Variants in DIAPH2 observed in about 807,000 individuals in gnomAD.
DIAPH2 encodes the protein protein diaphanous homolog 2.
A neutral mutation model predicts 92.7 loss-of-function variants in DIAPH2; 35 were observed. The observed-to-expected ratio is 0.38, with a 90% CI of 0.29 to 0.50. DIAPH2 has a LOEUF of 0.50. Ranked by LOEUF, DIAPH2 falls within the 20% of genes least tolerant of loss-of-function variation. DIAPH2 has a pLI of 0.94. For synonymous variants in DIAPH2, 301 were observed against 280.4 expected (o/e 1.07, Z -0.73); for missense variants, 701 against 819.5 (o/e 0.86, Z 1.77).
At chrX:96,944,666 A>G (rs544085328) in intron 13 of DIAPH2, among the ~76,000 whole-genome samples, 13 of 111,899 alleles carry the variant, frequency 1.2e-4, no homozygotes, top group East Asian at 1.1e-3. Flanking sequence ...TGCCTTCAGC[A>G]TAATTATTTT....
chrX:96,787,361 T>A (rs1375309654), intron 4 of DIAPH2, among the ~76,000 whole-genome samples: 1 of 110,966 alleles, frequency 9.0e-6, no homozygotes, highest in Non-Finnish European at 1.9e-5. Context: ...TAGGAGAAGA[T>A]TGTAATATTC....
intron 19 of DIAPH2, among the ~76,000 whole-genome samples, chrX:97,098,265 A>G (rs2147361351): frequency 8.9e-6 from 1 of 111,929 alleles, no homozygotes; most frequent in African/African-American, 3.2e-5. Flanking sequence ...CATTCATTAC[A>G]TTTATGTTGT....
At chrX:96,717,393 G>A (rs2063955924) in intron 1 of DIAPH2, among the ~76,000 whole-genome samples, 1 of 110,590 alleles carries the variant, frequency 9.0e-6, no homozygotes, top group African/African-American at 3.3e-5. Flanking sequence ...CTGTGGATTT[G>A]TCTGTTTCTC....
At chrX:97,260,973 A>G (rs1475372779) in intron 23 of DIAPH2, among the ~76,000 whole-genome samples, 1 of 112,531 alleles carries the variant, frequency 8.9e-6, no homozygotes, top group Non-Finnish European at 1.9e-5. Flanking sequence ...CTTTTCAAAT[A>G]AAAATGAAAT....
chrX:97,421,696 C>T lies in DIAPH2; in HGVS notation c.3146-7954C>T, dbSNP rs150360138. ...TGTATTTGTCATATAATTGATTTCT[C>T]TCCCAATCTGGTCCACTTTGCATGC... On this transcript the variant is annotated intron_variant, in intron 25 of 26. Coordinates refer to ENST00000324765, the MANE Select transcript of DIAPH2 (RefSeq NM_006729.5). Among the ~76,000 whole-genome samples the T allele has an allele frequency of 6.2e-3, 696 of 112,013 alleles. 2 individuals carry two copies. The highest frequency in any genetic ancestry group is 0.021 in the African/African-American group (651 of 30,873).
chrX:96,967,088 A>G (rs1438592484), intron 17 of DIAPH2, among the ~76,000 whole-genome samples: 1 of 111,757 alleles, frequency 8.9e-6, no homozygotes, highest in Non-Finnish European at 1.9e-5. Context: ...GGATTGTTAC[A>G]TGGGTATGTT....
At chrX:97,138,064 A>G (rs1053432109) in intron 21 of DIAPH2, among the ~76,000 whole-genome samples, 1 of 111,664 alleles carries the variant, frequency 9.0e-6, no homozygotes, top group Non-Finnish European at 1.9e-5. Flanking sequence ...ATCTCATCAG[A>G]AGGGAAAATT....
intron 26 of DIAPH2, among the ~76,000 whole-genome samples, chrX:97,570,105 TA>T (rs1312782719): frequency 0.013 from 412 of 32,220 alleles, 14 homozygotes; most frequent in African/African-American, 0.036. Flanking sequence ...TATATATATA[TA>T]TATATATATA....
At position 96,881,726 on chromosome X, in the gene DIAPH2, G is replaced by A. The variant is rs771236215; in HGVS notation, c.587+8G>A. 40 of 1,201,025 alleles carry A rather than the reference G, an allele frequency of 3.3e-5. No individual in the cohort carries two copies. The highest frequency in any genetic ancestry group is 2.3e-4 in the Middle Eastern group (1 of 4,349). ...AACCAGCAATCCGGTCAGGTAAGTC[G>A]TTCTTATCATTTCGGTATGATTCAT... On this transcript the variant is annotated splice_region_variant and intron_variant, in intron 5 of 26. Transcript: ENST00000324765.
chrX:97,546,326 AT>A (rs367635193), intron 26 of DIAPH2, among the ~76,000 whole-genome samples: 59 of 111,549 alleles, frequency 5.3e-4, no homozygotes, highest in African/African-American at 1.9e-3. Flanking sequence ...ATCTTTCATC[AT>A]TTTTTAGCTA....
chrX:97,009,101 G>C (rs1322840936), intron 17 of DIAPH2, among the ~76,000 whole-genome samples: 1 of 110,373 alleles, frequency 9.1e-6, no homozygotes, highest in Admixed American at 9.7e-5. Flanking sequence ...TCTGCCTAGT[G>C]CTTTTTTCTG....
intron 4 of DIAPH2, among the ~76,000 whole-genome samples, chrX:96,765,593 A>G (rs2064298597): frequency 8.9e-6 from 1 of 111,949 alleles, no homozygotes; most frequent in Non-Finnish European, 1.9e-5. Context: ...TAAGTGTTAT[A>G]GGTTTATATG....
chrX:97,318,995 CT>C (rs1463483965), intron 23 of DIAPH2, among the ~76,000 whole-genome samples: 1 of 111,318 alleles, frequency 9.0e-6, no homozygotes, highest in Non-Finnish European at 1.9e-5. Flanking sequence ...TTTTTTTTCC[CT>C]TCTGAGCCAA....
rs397896097 is a variant in DIAPH2, at chrX:97,507,141, C to CAAAA, written c.3241+77418_3241+77421dup. Among the ~76,000 whole-genome samples, 142 of 30,887 alleles carry CAAAA rather than the reference C, an allele frequency of 4.6e-3. 1 individual carries two copies. The highest frequency in any genetic ancestry group is 9.1e-3 in the African/African-American group (66 of 7,215). The allele number at this position is 30,887 out of a possible 115,157, so 26.8% of individuals were successfully genotyped here. A position where few individuals can be genotyped will look rare whatever the true frequency, so the allele number is the denominator to read the frequency against. The stretch of plus-strand genomic sequence containing the variant: ...AGGATACACCAGTGAACAAAACCGA[C>CAAAA]AAAAAAAAAAAAAAAAAAAAAAAAA... On this transcript the variant is annotated intron_variant, in intron 26 of 26. Coordinates refer to ENST00000324765, the MANE Select transcript of DIAPH2 (RefSeq NM_006729.5).
intron 17 of DIAPH2, among the ~76,000 whole-genome samples, chrX:97,048,966 A>T (rs188898153): frequency 9.2e-6 from 1 of 108,479 alleles, no homozygotes; most frequent in Non-Finnish European, 1.9e-5. Context: ...TCTTGTAGCT[A>T]CTCTCGCACA....
intron 4 of DIAPH2, among the ~76,000 whole-genome samples, chrX:96,801,858 A>G (rs1023696657): frequency 7.1e-5 from 8 of 112,161 alleles, no homozygotes; most frequent in Non-Finnish European, 1.3e-4. Flanking sequence ...AATTTGGTAT[A>G]TAATCCTTCT....
chrX:96,786,211 G>A (rs1010027627), intron 4 of DIAPH2, among the ~76,000 whole-genome samples: 2 of 111,864 alleles, frequency 1.8e-5, no homozygotes, highest in Non-Finnish European at 3.8e-5. Context: ...ACACTATTAT[G>A]TAGTATTAAA....
At chrX:97,245,069 G>A (rs1233582635) in intron 22 of DIAPH2, among the ~76,000 whole-genome samples, 12 of 107,843 alleles carry the variant, frequency 1.1e-4, no homozygotes, top group Non-Finnish European at 2.1e-4. Flanking sequence ...CCAGCCTGGC[G>A]ACAGAGTGAG....
At chrX:96,871,359 A>T (rs1340950460) in intron 4 of DIAPH2, among the ~76,000 whole-genome samples, 1 of 105,568 alleles carries the variant, frequency 9.5e-6, no homozygotes, top group Non-Finnish European at 1.9e-5. Context: ...AGTCCCAGTT[A>T]CTCGGGAGGC....
Sources: gnomAD v4.1 joint callset for allele counts (sites outside exome capture counted in the v4.1 genomes callset) on GRCh38, gnomAD v4.1.1 for gene constraint, MANE v1.5 for transcripts, NCBI Gene and HGNC (gene_info 2026-07-23, HGNC 2026-07-21) for gene names.